LGR6: variants seen among roughly 807,000 people sequenced by gnomAD.
LGR6 encodes leucine rich repeat containing G protein-coupled receptor 6, also known as leucine-rich repeat-containing G protein-coupled receptor 6.
LGR6 carries 45 observed loss-of-function variants against 69.4 expected under a neutral mutation model. The observed-to-expected ratio is 0.65, with a 90% CI of 0.51 to 0.83. LGR6 has a LOEUF of 0.83. Ranked by LOEUF, LGR6 falls within the 40% of genes least tolerant of loss-of-function variation. The pLI, the probability that LGR6 is intolerant of heterozygous loss-of-function variation, is 0.00. For synonymous variants in LGR6, 538 were observed against 555.0 expected, an observed-to-expected ratio of 0.97 and a Z score of 0.43; for missense variants, 1,108 against 1,246.7, an observed-to-expected ratio of 0.89 and a Z score of 1.68.
At chr1:202,231,697 T>G (rs1001510797) in intron 3 of LGR6, among the ~76,000 whole-genome samples, 1 of 152,244 alleles carries the variant, frequency 6.6e-6, no homozygotes, top group Non-Finnish European at 1.5e-5. Flanking sequence ...ATGATCGGTG[T>G]TCACACTCAT....
In LGR6 at chr1:202,305,738, A is replaced by T; in HGVS notation, c.1125A>T (p.Lys375Asn). The change falls in exon 12 of 18, where the codon AAA becomes AAT. Residue 375 changes from lysine to asparagine, a missense_variant. By Grantham distance (94) the Lys-to-Asn change is moderately conservative (BLOSUM62 0). Coordinates refer to ENST00000367278, the MANE Select transcript of LGR6 (RefSeq NM_001017403.2). ...EELPSLHRCQ[K>N]LEEIGLQHNR... ...TGCCCAGCCTGCACAGGTGTCAGAA[A>T]TTGGAGGAAATGTGAGTCTGGGGTA... 6.2e-7 allele frequency: 1 copy of T among 1,614,138 alleles called. No individual in the cohort carries two copies. The highest frequency in any genetic ancestry group is 1.3e-5 in the African/African-American group (1 of 75,038).
intron 4 of LGR6, among the ~76,000 whole-genome samples, chr1:202,254,048 G>T (rs1291879024): frequency 6.6e-6 from 1 of 151,276 alleles, no homozygotes; most frequent in Non-Finnish European, 1.5e-5. Flanking sequence ...CTCGTGATCC[G>T]CCCGCCTCGG....
At chr1:202,285,543 C>T (rs1487862712) in intron 6 of LGR6, among the ~76,000 whole-genome samples, 3 of 152,168 alleles carry the variant, frequency 2.0e-5, no homozygotes, top group Admixed American at 6.5e-5. Context: ...TGGCAAGGAT[C>T]GCATTAAATG....
rs541401656 is a variant in LGR6, at chr1:202,318,761, G to T, written c.2458G>T (p.Ala820Ser). 2.5e-6 allele frequency: 4 copies of T among 1,613,548 alleles called. 1 individual carries two copies. In the South Asian group the frequency reaches 4.4e-5, roughly 18 times the overall value. Residue 820 changes from alanine to serine, a missense_variant, in exon 18 of 18, where the codon GCC (alanine) becomes TCC (serine). By Grantham distance (99) the Ala-to-Ser change is moderately conservative. Transcript: ENST00000367278. The part of the protein sequence containing the change: ...SVLLVVLPLP[A>S]CLNPLLYLLF... Reference sequence around the variant, plus strand: ...CCTGCTGGTGGTGCTGCCCCTGCCTGCCTGCCTCAACCCACTGCTGTACCT... The same window carrying T: ...CCTGCTGGTGGTGCTGCCCCTGCCTTCCTGCCTCAACCCACTGCTGTACCT...
chr1:202,205,182 ACACACCCT>A (rs1659103421), intron 1 of LGR6, among the ~76,000 whole-genome samples: 1 of 38,218 alleles, frequency 2.6e-5, no homozygotes. Flanking sequence ...TCCTTCAAAC[ACACACCCT>A]CGAAACACAT....
chr1:202,196,481 G>A (rs997171948), intron 1 of LGR6, among the ~76,000 whole-genome samples: 2 of 152,058 alleles, frequency 1.3e-5, no homozygotes, highest in Non-Finnish European at 2.9e-5. Flanking sequence ...GCACAGATTC[G>A]CATCTGATGA....
Position 202,305,728 on chromosome 1 carries a change from G to A in LGR6, c.1115G>A (p.Arg372Lys). 1 of 1,614,130 alleles carries A rather than the reference G, an allele frequency of 6.2e-7. No homozygotes were observed. Among genetic ancestry groups the A allele is most frequent in the South Asian group, 1.1e-5 (1 of 91,074 alleles). ...ATTGAGGAGCTGCCCAGCCTGCACA[G>A]GTGTCAGAAATTGGAGGAAATGTGA... is the stretch of plus-strand genomic sequence containing the variant. The part of the protein sequence containing the change: ...NQIEELPSLH[R>K]CQKLEEIGLQ... Residue 372 changes from arginine (R) to lysine (K), a missense_variant, in exon 12 of 18, where the codon AGG (arginine) becomes AAG (lysine). Physicochemically the swap from Arg to Lys is conservative, Grantham distance 26. Transcript: ENST00000367278.
At chr1:202,217,675 A>C (rs2147931096) in intron 1 of LGR6, among the ~76,000 whole-genome samples, 2 of 147,246 alleles carry the variant, frequency 1.4e-5, no homozygotes, top group African/African-American at 5.0e-5. Flanking sequence ...ATAACCCCCC[A>C]CTCCAGGCAC....
In LGR6 at chr1:202,319,098, T is replaced by C; in HGVS notation, c.2795T>C (p.Met932Thr). 6.2e-7 allele frequency: 1 copy of C among 1,614,184 alleles called. No homozygotes were observed. Among genetic ancestry groups the C allele is most frequent in the Non-Finnish European group, 8.5e-7 (1 of 1,180,008 alleles). Residue 932 changes from methionine (M) to threonine (T), a missense_variant, in exon 18 of 18, where the codon ATG becomes ACG. Met to Thr is a moderately conservative substitution (Grantham distance 81). Transcript: ENST00000367278. Reference sequence around the variant, plus strand: ...CACTTTGGGAACCCCCAACCCTCCATGGATGGAGAACTGCTGCTGAGGGCA... The same window carrying C: ...CACTTTGGGAACCCCCAACCCTCCACGGATGGAGAACTGCTGCTGAGGGCA... ...GNHFGNPQPS[M>T]DGELLLRAEG...
chr1:202,251,598 C>T (rs1663251890), intron 4 of LGR6, among the ~76,000 whole-genome samples: 1 of 152,314 alleles, frequency 6.6e-6, no homozygotes, highest in East Asian at 1.9e-4. Flanking sequence ...AGCCATTTCC[C>T]CTTTCCTTCC....
At chr1:202,213,154 G>C (rs1020556455) in intron 1 of LGR6, among the ~76,000 whole-genome samples, 7 of 152,278 alleles carry the variant, frequency 4.6e-5, no homozygotes, top group Non-Finnish European at 8.8e-5. Context: ...TAAGGAACTT[G>C]GGCTGAAGTC....
At chr1:202,260,525 G>A (rs1267129935) in intron 4 of LGR6, among the ~76,000 whole-genome samples, 1 of 152,094 alleles carries the variant, frequency 6.6e-6, no homozygotes, top group Non-Finnish European at 1.5e-5. Flanking sequence ...GTAGAGAAAG[G>A]GTTTCACCAT....
chr1:202,216,406 C>G (rs751763333), intron 1 of LGR6, among the ~76,000 whole-genome samples: 4 of 152,216 alleles, frequency 2.6e-5, no homozygotes, highest in Admixed American at 6.5e-5. Context: ...AGAGGCTGTA[C>G]CATTGCTGCC....
chr1:202,255,556 C>G (rs1006495395), intron 4 of LGR6, among the ~76,000 whole-genome samples: 1 of 152,200 alleles, frequency 6.6e-6, no homozygotes, highest in South Asian at 2.1e-4. Flanking sequence ...TAGCTCAGCT[C>G]TCCAACAGCC....
chr1:202,308,782 AG>A (rs1653473965), intron 14 of LGR6, among the ~76,000 whole-genome samples: 1 of 152,216 alleles, frequency 6.6e-6, no homozygotes, highest in Non-Finnish European at 1.5e-5. Flanking sequence ...CTTGGCATTA[AG>A]TTAGAACAGT....
At chr1:202,312,207 G>C (rs1653798286) in intron 16 of LGR6, among the ~76,000 whole-genome samples, 1 of 152,268 alleles carries the variant, frequency 6.6e-6, no homozygotes, top group African/African-American at 2.4e-5. Context: ...GCCAGGAGCT[G>C]CTGCTCCAGC....
At chr1:202,209,562 C>T (rs1178826891) in intron 1 of LGR6, among the ~76,000 whole-genome samples, 2 of 152,246 alleles carry the variant, frequency 1.3e-5, no homozygotes, top group Non-Finnish European at 2.9e-5. Context: ...ACACCTTTGT[C>T]TAGACCAGGC....
At chr1:202,265,759 A>G (rs1664593963) in intron 4 of LGR6, among the ~76,000 whole-genome samples, 1 of 152,228 alleles carries the variant, frequency 6.6e-6, no homozygotes, top group African/African-American at 2.4e-5. Context: ...CTCCCCATCA[A>G]GCAATCATCT....
chr1:202,211,884 A>G (rs371126415), intron 1 of LGR6, among the ~76,000 whole-genome samples: 12 of 152,116 alleles, frequency 7.9e-5, no homozygotes, highest in African/African-American at 2.7e-4. Flanking sequence ...TTCTAACAAC[A>G]TAGGTAGGCT....
Sources: gnomAD v4.1 joint callset for allele counts (sites outside exome capture counted in the v4.1 genomes callset) on GRCh38, gnomAD v4.1.1 for gene constraint, MANE v1.5 for transcripts, NCBI Gene and HGNC (gene_info 2026-07-23, HGNC 2026-07-21) for gene names.